The following GSK3B variants were observed in gnomAD, a reference collection of about 807,000 sequenced individuals.
GSK3B encodes the protein glycogen synthase kinase 3 beta, also known as glycogen synthase kinase-3 beta.
GSK3B carries 15 observed loss-of-function variants against 56.4 expected under a neutral mutation model. The ratio of observed to expected loss-of-function variants is 0.27; its 90% CI spans 0.18 to 0.41. GSK3B has a LOEUF of 0.41. Among genes scored for constraint, GSK3B ranks in the 10% least tolerant of loss-of-function variants. The pLI, the probability that GSK3B is intolerant of heterozygous loss-of-function variation, is 1.00. For missense variants in GSK3B, 300 were observed against 513.4 expected, an observed-to-expected ratio of 0.58 and a Z score of 4.02; for synonymous variants, 181 against 188.9, an observed-to-expected ratio of 0.96 and a Z score of 0.34.
At chr3:120,082,818 TA>T (rs2058432685) in intron 1 of GSK3B, among the ~76,000 whole-genome samples, 1 of 152,244 alleles carries the variant, frequency 6.6e-6, no homozygotes, top group Non-Finnish European at 1.5e-5. Flanking sequence ...ATTATTAGTT[TA>T]GATACACTAG....
intron 10 of GSK3B, among the ~76,000 whole-genome samples, chr3:119,830,473 C>CA (rs952587302): frequency 2.2e-4 from 34 of 152,284 alleles, no homozygotes; most frequent in African/African-American, 7.2e-4. Flanking sequence ...CTTTTCTTCT[C>CA]AAACATTTAA....
intron 1 of GSK3B, among the ~76,000 whole-genome samples, chr3:120,034,549 A>G (rs2107525406): frequency 6.6e-6 from 1 of 152,294 alleles, no homozygotes; most frequent in East Asian, 1.9e-4. Flanking sequence ...GTAGGGGCTT[A>G]TTTTTAAACT....
chr3:120,000,769 T>C (rs958576221), intron 2 of GSK3B, among the ~76,000 whole-genome samples: 7 of 148,196 alleles, frequency 4.7e-5, no homozygotes, highest in African/African-American at 1.8e-4. Context: ...AACTGAATTT[T>C]GGGATTGCTA....
chr3:120,000,821 CAAA>C (rs57916840), intron 2 of GSK3B, among the ~76,000 whole-genome samples: 3 of 67,264 alleles, frequency 4.5e-5, no homozygotes, highest in South Asian at 4.1e-4. Flanking sequence ...GGGAAGATAG[CAAA>C]AAAAAAAAAA....
intron 2 of GSK3B, among the ~76,000 whole-genome samples, chr3:119,973,785 G>A (rs1452835315): frequency 6.6e-6 from 1 of 152,016 alleles, no homozygotes; most frequent in African/African-American, 2.4e-5. Context: ...ACATGTATAA[G>A]AAAAAAATGG....
At chr3:119,928,208 T>C (rs2056906700) in intron 3 of GSK3B, among the ~76,000 whole-genome samples, 1 of 152,278 alleles carries the variant, frequency 6.6e-6, no homozygotes. Flanking sequence ...GGAGCAAAAG[T>C]CAAAGAAACA....
chr3:120,019,293 A>G (rs1392692217), intron 1 of GSK3B, among the ~76,000 whole-genome samples: 1 of 152,178 alleles, frequency 6.6e-6, no homozygotes, highest in Non-Finnish European at 1.5e-5. Flanking sequence ...TAAAAATACC[A>G]TAGTAGCATT....
intron 10 of GSK3B, among the ~76,000 whole-genome samples, chr3:119,829,932 G>T (rs1435244038): frequency 1.3e-5 from 2 of 152,154 alleles, no homozygotes; most frequent in Non-Finnish European, 2.9e-5. Flanking sequence ...GAAAGTCACA[G>T]TCCTACAGAC....
chr3:120,035,173 T>C (rs2058011903), intron 1 of GSK3B, among the ~76,000 whole-genome samples: 1 of 152,136 alleles, frequency 6.6e-6, no homozygotes, highest in Non-Finnish European at 1.5e-5. Flanking sequence ...AAAAAGAATT[T>C]TGGACACACA....
intron 8 of GSK3B, among the ~76,000 whole-genome samples, chr3:119,868,038 A>G (rs190094061): frequency 6.6e-6 from 1 of 152,232 alleles, no homozygotes; most frequent in Non-Finnish European, 1.5e-5. Flanking sequence ...AGAGATCCCA[A>G]AACACCCCTT....
At chr3:119,987,019 C>T (rs915033436) in intron 2 of GSK3B, among the ~76,000 whole-genome samples, 1 of 152,148 alleles carries the variant, frequency 6.6e-6, no homozygotes, top group African/African-American at 2.4e-5. Context: ...AGTTCCTGTC[C>T]TTTGCAGGGA....
At chr3:119,960,957 G>A (rs2057266100) in intron 2 of GSK3B, among the ~76,000 whole-genome samples, 1 of 152,090 alleles carries the variant, frequency 6.6e-6, no homozygotes, top group African/African-American at 2.4e-5. Context: ...TATTTACACT[G>A]ATGATATAAA....
intron 2 of GSK3B, among the ~76,000 whole-genome samples, chr3:119,996,815 G>A (rs2057621912): frequency 6.6e-6 from 1 of 151,912 alleles, no homozygotes; most frequent in South Asian, 2.1e-4. Context: ...TCCTTGAAAA[G>A]AGATGATAAC....
intron 7 of GSK3B, among the ~76,000 whole-genome samples, chr3:119,892,314 A>T (rs1339265464): frequency 1.3e-5 from 2 of 152,182 alleles, no homozygotes; most frequent in Non-Finnish European, 2.9e-5. Flanking sequence ...ATATTCTATC[A>T]ACCCCACCAG....
chr3:120,091,459 C>T (rs137923469), intron 1 of GSK3B, among the ~76,000 whole-genome samples: 171 of 151,954 alleles, frequency 1.1e-3, no homozygotes, highest in African/African-American at 4.1e-3. Context: ...TCTGTATTAC[C>T]AAGAATTCAA....
chr3:120,014,831 G>C (rs1311718829), intron 1 of GSK3B, among the ~76,000 whole-genome samples: 1 of 152,138 alleles, frequency 6.6e-6, no homozygotes, highest in Non-Finnish European at 1.5e-5. Flanking sequence ...ATGTTTACTT[G>C]TTTATCACTT....
chr3:119,948,767 C>T (rs1249911635), intron 2 of GSK3B, among the ~76,000 whole-genome samples: 8 of 152,164 alleles, frequency 5.3e-5, no homozygotes, highest in African/African-American at 1.7e-4. Context: ...GGCGTGATCT[C>T]GGCTCATTGC....
At chr3:120,057,023 T>C (rs1167321512) in intron 1 of GSK3B, among the ~76,000 whole-genome samples, 2 of 152,150 alleles carry the variant, frequency 1.3e-5, no homozygotes, top group East Asian at 3.9e-4. Context: ...CTCATGCCTG[T>C]GGTCCCAGCT....
chr3:119,921,634 A>C (rs1253930654), intron 4 of GSK3B, among the ~76,000 whole-genome samples: 1 of 152,220 alleles, frequency 6.6e-6, no homozygotes, highest in Non-Finnish European at 1.5e-5. Context: ...ACAAAGTTCA[A>C]GAGAGAGAAA....
Sources: gnomAD v4.1 joint callset for allele counts (sites outside exome capture counted in the v4.1 genomes callset) on GRCh38, gnomAD v4.1.1 for gene constraint, MANE v1.5 for transcripts, NCBI Gene and HGNC (gene_info 2026-07-23, HGNC 2026-07-21) for gene names.